Variants in XIRP2 observed in about 807,000 individuals in gnomAD.
XIRP2 encodes the protein xin actin-binding repeat-containing protein 2.
In XIRP2, 236 loss-of-function variants were observed where a neutral mutation model predicts 277.0. That is an observed-to-expected ratio of 0.85 (90% confidence interval 0.77 to 0.95). The LOEUF (loss-of-function observed/expected upper bound fraction) is 0.95, where lower values mean the gene tolerates loss of function less well. Ranked by LOEUF, XIRP2 falls within the 40% of genes least tolerant of loss-of-function variation. XIRP2 has a pLI of 0.00. For missense variants in XIRP2, 4,640 were observed against 4,157.5 expected (o/e 1.12, Z -3.19); for synonymous variants, 1,490 against 1,416.5 (o/e 1.05, Z -1.17).
Position 167,246,575 on chromosome 2 carries a change from A to C in XIRP2, c.5183A>C (p.Lys1728Thr), listed in dbSNP as rs1216369852. ...TTATTGTCTTCCACATCAAACAATAAAATATCTGAAAGGGCTAAAATTGAT... is the reference window on the plus strand; with the variant it reads ...TTATTGTCTTCCACATCAAACAATACAATATCTGAAAGGGCTAAAATTGAT... Reference protein sequence around the residue: ...HNLLSSTSNNKISERAKIDAS... With the variant: ...HNLLSSTSNNTISERAKIDAS... Residue 1728 changes from lysine (K) to threonine (T), a missense_variant, in exon 9 of 11, where the codon AAA becomes ACA. By Grantham distance (78) the Lys-to-Thr change is moderately conservative. Transcript: ENST00000409195. The C allele has an allele frequency of 1.9e-6, 3 of 1,613,808 alleles. No homozygotes were observed. The highest frequency in any genetic ancestry group is 1.7e-4 in the Middle Eastern group (1 of 6,060).
intron 2 of XIRP2, among the ~76,000 whole-genome samples, chr2:167,051,158 C>G (rs765394393): frequency 6.6e-6 from 1 of 151,990 alleles, no homozygotes. Flanking sequence ...TTCTTCTACC[C>G]GCTACTGTGA....
intron 7 of XIRP2, among the ~76,000 whole-genome samples, chr2:167,241,225 C>A (rs148698258): frequency 6.8e-6 from 1 of 147,682 alleles, no homozygotes; most frequent in Non-Finnish European, 1.5e-5. Context: ...GTTTTGCTAC[C>A]CTGAAGAGCT....
rs542137202 is a variant in XIRP2, at chr2:167,159,052, G to A, written c.562+22990G>A. ...CCAAGGCTAGGATTCAGGCCTCAGTGGGGAGGGCACTACCATGGCCCACCG... is the reference window on the plus strand; with the variant it reads ...CCAAGGCTAGGATTCAGGCCTCAGTAGGGAGGGCACTACCATGGCCCACCG... On this transcript the variant is annotated intron_variant, in intron 3 of 10. Coordinates refer to ENST00000409195, the MANE Select transcript of XIRP2 (RefSeq NM_152381.6). Among the ~76,000 whole-genome samples the A allele has an allele frequency of 2.6e-5, 4 of 152,278 alleles. No homozygotes were observed. The South Asian group carries it at 8.3e-4, about 32-fold the overall frequency.
chr2:166,913,282 A>G (rs1574073599), intron 2 of XIRP2, among the ~76,000 whole-genome samples: 1 of 146,962 alleles, frequency 6.8e-6, no homozygotes, highest in Non-Finnish European at 1.5e-5. Flanking sequence ...CACTTTGTTT[A>G]CCTACTTAAG....
At chr2:167,183,652 G>C (rs947261206) in intron 3 of XIRP2, among the ~76,000 whole-genome samples, 35 of 151,124 alleles carry the variant, frequency 2.3e-4, no homozygotes, top group African/African-American at 8.5e-4. Flanking sequence ...TGTTTTGTGT[G>C]TTATTTCTTA....
intron 2 of XIRP2, among the ~76,000 whole-genome samples, chr2:167,091,350 A>G (rs987166796): frequency 2.0e-5 from 3 of 152,030 alleles, no homozygotes; most frequent in Admixed American, 2.0e-4. Flanking sequence ...AGTGTCCTCT[A>G]TGTCCCTTAT....
At position 167,246,275 on chromosome 2, in the gene XIRP2, A is replaced by G; in HGVS notation, c.4883A>G (p.Glu1628Gly). ...GAAAGAGAGATTTTGATTAGTGAAG[A>G]AGAGAAGGGAAATGTTAATTTGACT... ...CTEREILISE[E>G]EKGNVNLTKT... The change falls in exon 9 of 11, where the codon GAA becomes GGA. Residue 1628 changes from glutamate (E) to glycine (G), a missense_variant. Physicochemically the swap from Glu to Gly is moderately conservative, Grantham distance 98. Coordinates refer to ENST00000409195, the MANE Select transcript of XIRP2 (RefSeq NM_152381.6). 1.2e-6 allele frequency: 2 copies of G among 1,613,458 alleles called. No individual in the cohort carries two copies. Among genetic ancestry groups the G allele is most frequent in the Non-Finnish European group, 1.7e-6 (2 of 1,179,702 alleles).
chr2:167,095,157 T>C lies in XIRP2; in HGVS notation c.409-40752T>C, dbSNP rs982762278. Among the ~76,000 whole-genome samples the C allele has an allele frequency of 2.0e-5, 3 of 152,220 alleles. No homozygotes were observed. The South Asian group carries it at 6.2e-4, about 32-fold the overall frequency. The stretch of plus-strand genomic sequence containing the variant: ...TAGGAATGCTTGTGATTTTTGCACA[T>C]TGATTTTGTATCCTGAGACTTTGCT... On this transcript the variant is annotated intron_variant, in intron 2 of 10. Coordinates refer to ENST00000409195, the MANE Select transcript of XIRP2 (RefSeq NM_152381.6).
At chr2:167,122,969 G>A (rs1482276970) in intron 2 of XIRP2, among the ~76,000 whole-genome samples, 1 of 152,098 alleles carries the variant, frequency 6.6e-6, no homozygotes, top group African/African-American at 2.4e-5. Flanking sequence ...GATAGGGCTT[G>A]CATTTGTTTC....
At chr2:166,941,247 G>A (rs1685705607) in intron 2 of XIRP2, among the ~76,000 whole-genome samples, 1 of 152,224 alleles carries the variant, frequency 6.6e-6, no homozygotes, top group Non-Finnish European at 1.5e-5. Context: ...TCCAAGCCAT[G>A]CATGGGATAT....
At chr2:167,036,310 C>T (rs1441817534) in intron 2 of XIRP2, among the ~76,000 whole-genome samples, 1 of 152,048 alleles carries the variant, frequency 6.6e-6, no homozygotes, top group East Asian at 1.9e-4. Flanking sequence ...ATGAAAGCAG[C>T]CAGGAGGGAG....
intron 3 of XIRP2, among the ~76,000 whole-genome samples, chr2:167,174,702 T>C (rs1692787404): frequency 6.6e-6 from 1 of 151,932 alleles, no homozygotes; most frequent in African/African-American, 2.4e-5. Context: ...TTAATTGTGA[T>C]GTTAGGGTGT....
chr2:167,123,667 T>C (rs889954925), intron 2 of XIRP2, among the ~76,000 whole-genome samples: 2 of 152,094 alleles, frequency 1.3e-5, no homozygotes, highest in Non-Finnish European at 2.9e-5. Context: ...CACATGCTCA[T>C]TCCTCTATGA....
rs186740809 is a variant in XIRP2, at chr2:167,259,311, T to C, written c.*1494T>C. ...AGAGTGGAGGTGCAGTCAGAACAAC[T>C]CACGGTGGAAGAGCAGATTAAAAGA... On this transcript the variant is annotated 3_prime_UTR_variant, in exon 11 of 11. Transcript: ENST00000409195. 2.5e-6 allele frequency: 4 copies of C among 1,612,378 alleles called. No individual in the cohort carries two copies. The highest frequency in any genetic ancestry group is 2.7e-5 in the African/African-American group (2 of 74,678).
chr2:166,973,757 T>G (rs1686634590), intron 2 of XIRP2, among the ~76,000 whole-genome samples: 1 of 152,182 alleles, frequency 6.6e-6, no homozygotes. Flanking sequence ...GTCATTTATG[T>G]CGTTAAAGAA....
Position 167,245,660 on chromosome 2 carries a change from A to G in XIRP2, c.4268A>G (p.Gln1423Arg), listed in dbSNP as rs1315690147. 1 of 1,613,638 alleles carries G rather than the reference A, an allele frequency of 6.2e-7. No individual in the cohort carries two copies. The highest frequency in any genetic ancestry group is 2.2e-5 in the East Asian group (1 of 44,812). Residue 1423 changes from glutamine (Q) to arginine (R), a missense_variant, in exon 9 of 11, where the codon CAA becomes CGA. Gln to Arg is a conservative substitution (Grantham distance 43, BLOSUM62 1). Transcript: ENST00000409195. ...GGTGGCAATGTAAAGACAAGTAGAC[A>G]ATTCTTTGAGTCTGAAAATTTTGAT... ...IQGGNVKTSR[Q>R]FFESENFDKN... is the part of the protein sequence containing the mutation.
intron 3 of XIRP2, among the ~76,000 whole-genome samples, chr2:167,172,583 T>C (rs554912376): frequency 2.1e-4 from 32 of 152,258 alleles, no homozygotes; most frequent in African/African-American, 7.5e-4. Flanking sequence ...AGGAACACAT[T>C]CTCTTTCTCA....
intron 2 of XIRP2, among the ~76,000 whole-genome samples, chr2:166,969,265 C>A (rs1686509945): frequency 6.6e-6 from 1 of 151,954 alleles, no homozygotes; most frequent in Admixed American, 6.6e-5. Context: ...TTCTACCTAA[C>A]CTCAAGACTA....
intron 3 of XIRP2, among the ~76,000 whole-genome samples, chr2:167,194,053 A>G (rs1241455864): frequency 6.6e-6 from 1 of 151,656 alleles, no homozygotes; most frequent in Non-Finnish European, 1.5e-5. Context: ...ATAAATTTTC[A>G]TTGTTGATAC....
Sources: allele counts gnomAD v4.1 joint callset (sites outside exome capture counted in the v4.1 genomes callset), GRCh38; gene constraint gnomAD v4.1.1; transcripts MANE v1.5; gene names NCBI Gene and HGNC (gene_info 2026-07-23, HGNC 2026-07-21).